Variants in SVEP1 observed in about 807,000 individuals in gnomAD.
SVEP1 encodes the protein sushi, von Willebrand factor type A, EGF and pentraxin domain containing 1.
In SVEP1, 164 loss-of-function variants were observed where a neutral mutation model predicts 367.3. That is an observed-to-expected ratio of 0.45 (90% CI 0.39 to 0.51). SVEP1 has a LOEUF of 0.51. Among genes scored for constraint, SVEP1 ranks in the 20% least tolerant of loss-of-function variants. The probability of loss-of-function intolerance (pLI) is 0.00; values close to 1 mark genes in which losing one functional copy is unlikely to be tolerated. For missense variants in SVEP1, 4,117 were observed against 4,425.3 expected (o/e 0.93, Z 1.98); for synonymous variants, 1,666 against 1,611.6 (o/e 1.03, Z -0.81).
At chr9:110,521,288 A>G (rs1829872146) in intron 3 of SVEP1, among the ~76,000 whole-genome samples, 1 of 152,212 alleles carries the variant, frequency 6.6e-6, no homozygotes, top group African/African-American at 2.4e-5. Context: ...AGAATGCATT[A>G]GCAGCCTGTC....
At chr9:110,429,106 T>C (rs926614354) in intron 35 of SVEP1, 37 bp downstream of exon 35, 11 of 1,464,834 alleles carry the variant, frequency 7.5e-6, no homozygotes, top group Non-Finnish European at 1.0e-5. Flanking sequence ...AGTAACACAG[T>C]ATTGTAGAAA....
chr9:110,539,129 T>C (rs992108164), intron 3 of SVEP1, among the ~76,000 whole-genome samples: 6 of 152,044 alleles, frequency 3.9e-5, no homozygotes, highest in African/African-American at 7.2e-5. Context: ...ATCCTTTTTC[T>C]TGAGCACTTA....
intron 36 of SVEP1, among the ~76,000 whole-genome samples, chr9:110,423,987 T>G (rs1828214638): frequency 6.6e-6 from 1 of 152,218 alleles, no homozygotes; most frequent in South Asian, 2.1e-4. Context: ...GAATCAACTG[T>G]GATAAACACT....
chr9:110,494,453 C>A (rs934658953), intron 8 of SVEP1, among the ~76,000 whole-genome samples: 1 of 152,176 alleles, frequency 6.6e-6, no homozygotes, highest in Non-Finnish European at 1.5e-5. Flanking sequence ...TATTGGTATA[C>A]CCTAGAGCAA....
At chr9:110,500,591 C>T (rs1417174172) in intron 6 of SVEP1, among the ~76,000 whole-genome samples, 1 of 151,864 alleles carries the variant, frequency 6.6e-6, no homozygotes, top group African/African-American at 2.4e-5. Flanking sequence ...TATCTTTTAC[C>T]TTATCTTTAA....
intron 22 of SVEP1, among the ~76,000 whole-genome samples, chr9:110,453,551 G>A (rs1828730360): frequency 6.6e-6 from 1 of 152,116 alleles, no homozygotes; most frequent in Non-Finnish European, 1.5e-5. Flanking sequence ...GCCAGCATGT[G>A]TTATTTTTTG....
At chr9:110,392,131 C>CT (rs1827664481) in intron 40 of SVEP1, among the ~76,000 whole-genome samples, 1 of 84,098 alleles carries the variant, frequency 1.2e-5, no homozygotes, top group African/African-American at 6.2e-5. Context: ...CCCAATTCCT[C>CT]ATTATATATA....
At chr9:110,410,265 G>C (rs543686121) in intron 37 of SVEP1, among the ~76,000 whole-genome samples, 1 of 152,154 alleles carries the variant, frequency 6.6e-6, no homozygotes, top group African/African-American at 2.4e-5. Context: ...TGATTTGGGG[G>C]AATAGATTCT....
chr9:110,562,529 T>G (rs1166540959), intron 1 of SVEP1, among the ~76,000 whole-genome samples: 1 of 152,154 alleles, frequency 6.6e-6, no homozygotes, highest in Non-Finnish European at 1.5e-5. Context: ...ATATGGTATT[T>G]GGACATCAGT....
Position 110,579,345 on chromosome 9 carries a change from C to G in SVEP1, c.199G>C (p.Ala67Pro). ...AGSRVERLGQ[A>P]FRRRVRLLRE... The stretch of plus-strand genomic sequence containing the variant: ...AGCAGCCGCACGCGTCGCCGGAACG[C>G]CTGGCCCAGCCGCTCCACTCTGCTC... The change falls in exon 1 of 48, where the codon GCG becomes CCG. Residue 67 changes from alanine to proline, a missense_variant. This residue lies in a region of SVEP1 where 161 missense variants were observed against 122.4 expected (regional missense o/e 1.32). Transcript: ENST00000374469. The surrounding 1 kb of genome is among the most constrained non-coding windows in gnomAD (Gnocchi z 5.3). 4 of 1,554,050 alleles carry G rather than the reference C, an allele frequency of 2.6e-6. No individual in the cohort carries two copies. The highest frequency in any genetic ancestry group is 3.5e-6 in the Non-Finnish European group (4 of 1,149,966).
Position 110,406,549 on chromosome 9 carries a change from G to A in SVEP1, c.9051C>T (p.Val3017=), listed in dbSNP as rs760819566. The A allele has an allele frequency of 1.7e-5, 28 of 1,613,510 alleles. No homozygotes were observed. The highest frequency in any genetic ancestry group is 1.6e-4 in the Middle Eastern group (1 of 6,084). The change falls in exon 38 of 48, where the codon GTC becomes GTT. Residue 3017 remains valine, a synonymous_variant. Coordinates refer to ENST00000374469, the MANE Select transcript of SVEP1 (RefSeq NM_153366.4). ...CSTPVIEYGT[V]NGTDFDCGKA... is the part of the protein sequence containing the mutation. ...TTCCACAGTCAAAATCTGTCCCATT[G>A]ACAGTTCCATATTCAATTACTGGTG...
intron 29 of SVEP1, among the ~76,000 whole-genome samples, 160 bp from the exon 30 acceptor site, chr9:110,434,666 TAA>T (rs71371668): frequency 2.2e-4 from 9 of 40,626 alleles, no homozygotes; most frequent in East Asian, 1.3e-3. Flanking sequence ...GCAAAATCAC[TAA>T]AAAAAAAAAA....
intron 38 of SVEP1, among the ~76,000 whole-genome samples, chr9:110,405,607 T>C (rs1354665110): frequency 6.6e-6 from 1 of 152,002 alleles, no homozygotes; most frequent in African/African-American, 2.4e-5. Flanking sequence ...GTATTATGAA[T>C]ACCTACATGG....
chr9:110,490,819 G>T (rs1829355539), intron 8 of SVEP1, among the ~76,000 whole-genome samples: 1 of 151,830 alleles, frequency 6.6e-6, no homozygotes, highest in Admixed American at 6.6e-5. Flanking sequence ...GTTTTTTAAT[G>T]CCATATGCTA....
In SVEP1 at chr9:110,528,156, GTATA is replaced by G. The variant is rs59360366; in HGVS notation, c.965-14054_965-14051del. On this transcript the variant is annotated intron_variant, in intron 3 of 47. Transcript: ENST00000374469. ...CGTGTGTGTGTGTGTGTGTGTGTGT[GTATA>G]TATATATATATATATATATATATAT... Among the ~76,000 whole-genome samples, 25 of 33,940 alleles carry G rather than the reference GTATA, an allele frequency of 7.4e-4. 1 individual carries two copies. Among genetic ancestry groups the G allele is most frequent in the East Asian group, 2.1e-3 (4 of 1,908 alleles). 22.3% of individuals were successfully genotyped at this position (33,940 alleles called of 152,430 possible).
chr9:110,528,154 GTGTATATATATATATATATA>G (rs1176349850), intron 3 of SVEP1, among the ~76,000 whole-genome samples: 9 of 25,704 alleles, frequency 3.5e-4, no homozygotes, highest in African/African-American at 8.7e-4. Flanking sequence ...GTGTGTGTGT[GTGTATATATATATATATATA>G]TATATATATA....
chr9:110,470,042 C>T lies in SVEP1; in HGVS notation c.2999-941G>A, dbSNP rs114593268. ...GAACCCACGTTTATGGAGAGATGAA[C>T]GTAAGATTCATGCCATTCGGTTCAG... On this transcript the variant is annotated intron_variant, in intron 16 of 47. Transcript: ENST00000374469. Among the ~76,000 whole-genome samples, 599 of 152,262 alleles carry T rather than the reference C, an allele frequency of 3.9e-3. 7 individuals carry two copies. Among genetic ancestry groups the T allele is most frequent in the African/African-American group, 0.013 (554 of 41,542 alleles).
At chr9:110,547,830 T>C (rs1830239214) in intron 2 of SVEP1, among the ~76,000 whole-genome samples, 1 of 152,186 alleles carries the variant, frequency 6.6e-6, no homozygotes, top group Admixed American at 6.6e-5. Flanking sequence ...GATCATGTCT[T>C]TCCAGTAAAA....
At chr9:110,545,997 G>A in intron 3 of SVEP1, 118 bp downstream of exon 3, 1 of 1,251,110 alleles carries the variant, frequency 8.0e-7, no homozygotes, top group Non-Finnish European at 1.1e-6. Flanking sequence ...AAAGAGATGT[G>A]CCACTGACCC....
Sources: gnomAD v4.1 joint callset for allele counts (sites outside exome capture counted in the v4.1 genomes callset) on GRCh38, gnomAD v4.1.1 for gene constraint, gnomAD v4.1.1 regional missense constraint, Gnocchi (gnomAD v3.1) non-coding constraint, MANE v1.5 for transcripts, NCBI Gene and HGNC (gene_info 2026-07-23, HGNC 2026-07-21) for gene names.